DLG2: variants seen among roughly 807,000 people sequenced by gnomAD.
DLG2 encodes disks large homolog 2.
In DLG2, 45 loss-of-function variants were observed where a neutral mutation model predicts 132.5. That is an observed-to-expected ratio of 0.34 (90% CI 0.27 to 0.44). DLG2 has a LOEUF of 0.44. Among genes scored for constraint, DLG2 ranks in the 20% least tolerant of loss-of-function variants. The pLI, the probability that DLG2 is intolerant of heterozygous loss-of-function variation, is 1.00. For synonymous variants in DLG2, 424 were observed against 419.6 expected (o/e 1.01, Z -0.13); for missense variants, 1,045 against 1,196.9 (o/e 0.87, Z 1.87).
In DLG2 at chr11:83,786,767, G is replaced by T. The variant is rs915016253; in HGVS notation, c.1748C>A (p.Ala583Glu). The T allele has an allele frequency of 6.2e-7, 1 of 1,614,078 alleles. No homozygotes were observed. The highest frequency in any genetic ancestry group is 1.7e-5 in the Admixed American group (1 of 60,020). ...TGCAGCAGCTGCCTGCTCGTGGGAT[G>T]CACCACGGAGGTCAATGCCATTCAC... ...LSVNGIDLRG[A>E]SHEQAAAALK... is the part of the protein sequence containing the mutation. The change falls in exon 18 of 28, where the codon GCA becomes GAA. Residue 583 changes from alanine (A) to glutamate (E), a missense_variant. Ala to Glu is a moderately radical substitution (Grantham distance 107, BLOSUM62 -1). This residue lies in a region of DLG2 where 398 missense variants were observed against 543.6 expected (regional missense o/e 0.73). Transcript: ENST00000376104.
chr11:84,786,245 C>T (rs2072874704), intron 6 of DLG2, among the ~76,000 whole-genome samples: 1 of 152,088 alleles, frequency 6.6e-6, no homozygotes, highest in African/African-American at 2.4e-5. Flanking sequence ...ACCCTAAGCC[C>T]TCAATTTTGT....
intron 7 of DLG2, among the ~76,000 whole-genome samples, chr11:84,325,266 G>T (rs1297091402): frequency 1.3e-5 from 2 of 151,980 alleles, no homozygotes; most frequent in African/African-American, 4.8e-5. Context: ...CAAGGTGAAG[G>T]TTTTTTACAT....
At chr11:84,178,240 T>C (rs1051004245) in intron 8 of DLG2, among the ~76,000 whole-genome samples, 1 of 152,116 alleles carries the variant, frequency 6.6e-6, no homozygotes, top group East Asian at 1.9e-4. Flanking sequence ...GTGATTTCAG[T>C]GGCAAACTTC....
At chr11:84,048,880 G>A (rs919411744) in intron 11 of DLG2, among the ~76,000 whole-genome samples, 9 of 151,402 alleles carry the variant, frequency 5.9e-5, no homozygotes, top group African/African-American at 2.2e-4. Flanking sequence ...GCTATCCATG[G>A]ACAGATCAGG....
At chr11:85,403,738 G>A (rs1378212413) in intron 3 of DLG2, among the ~76,000 whole-genome samples, 1 of 151,934 alleles carries the variant, frequency 6.6e-6, no homozygotes, top group Non-Finnish European at 1.5e-5. Flanking sequence ...GAGCCTCTTT[G>A]TTATGGGGGA....
intron 17 of DLG2, chr11:83,791,308 T>C: frequency 1.5e-6 from 1 of 678,446 alleles, no homozygotes. Context: ...CGCCTTGCCT[T>C]TTGGCTTCTG....
intron 4 of DLG2, among the ~76,000 whole-genome samples, chr11:85,274,880 G>T (rs1472548403): frequency 6.6e-6 from 1 of 152,096 alleles, no homozygotes; most frequent in East Asian, 1.9e-4. Context: ...AAACAGACAG[G>T]CCTTGCTAGG....
At chr11:83,503,366 CATTTATATATATATAT>C (rs1313562406) in intron 21 of DLG2, among the ~76,000 whole-genome samples, 3 of 47,094 alleles carry the variant, frequency 6.4e-5, no homozygotes, top group African/African-American at 1.7e-4. Flanking sequence ...CACACACACC[CATTTATATATATATAT>C]ATATATATAT....
At chr11:84,348,905 G>A (rs929011488) in intron 7 of DLG2, among the ~76,000 whole-genome samples, 1 of 152,126 alleles carries the variant, frequency 6.6e-6, no homozygotes, top group Non-Finnish European at 1.5e-5. Context: ...GAGAAGCATG[G>A]AACAGAGCTT....
chr11:85,095,961 A>G (rs1205026876), intron 6 of DLG2, among the ~76,000 whole-genome samples: 1 of 152,188 alleles, frequency 6.6e-6, no homozygotes. Flanking sequence ...GGACTTGGAG[A>G]ACCTTCGTGT....
intron 18 of DLG2, among the ~76,000 whole-genome samples, chr11:83,685,096 T>C (rs1393249243): frequency 6.6e-6 from 1 of 152,114 alleles, no homozygotes; most frequent in Non-Finnish European, 1.5e-5. Flanking sequence ...TGACAACAAC[T>C]TTTTGAAATG....
In DLG2 at chr11:85,154,593, T is replaced by C. The variant is rs762621712; in HGVS notation, c.245A>G (p.Asn82Ser). The C allele has an allele frequency of 1.2e-5, 19 of 1,537,386 alleles. No individual in the cohort carries two copies. The highest frequency in any genetic ancestry group is 3.9e-5 in the Admixed American group (2 of 50,732). ...NASCIEQNKE[N>S]QSFENETDET... is the part of the protein sequence containing the mutation. ...ATCAGTTTCATTTTCAAAACTCTGA[T>C]TTTCTTTATTTTGCTCAATACATGA... The change falls in exon 5 of 28, where the codon AAT (asparagine) becomes AGT (serine). Residue 82 changes from asparagine (N) to serine (S), a missense_variant. This residue lies in a region of DLG2 where 277 missense variants were observed against 238.2 expected (regional missense o/e 1.16). Coordinates refer to ENST00000376104, the MANE Select transcript of DLG2 (RefSeq NM_001142699.3).
At chr11:84,905,188 T>A (rs915136534) in intron 6 of DLG2, among the ~76,000 whole-genome samples, 11 of 152,182 alleles carry the variant, frequency 7.2e-5, no homozygotes, top group African/African-American at 1.9e-4. Context: ...CCCTAAAAAT[T>A]CAGGCATGAC....
At chr11:84,468,171 A>G (rs1326721287) in intron 7 of DLG2, among the ~76,000 whole-genome samples, 1 of 151,570 alleles carries the variant, frequency 6.6e-6, no homozygotes, top group African/African-American at 2.4e-5. Flanking sequence ...TTCATACTAC[A>G]TTTTATAACA....
chr11:83,980,709 T>C (rs2092700113), intron 11 of DLG2, 67 bp from the exon 12 acceptor site: 1 of 1,400,300 alleles, frequency 7.1e-7, no homozygotes, highest in East Asian at 2.6e-5. Context: ...GAAAATGCAG[T>C]TAGCCACATT....
intron 4 of DLG2, among the ~76,000 whole-genome samples, chr11:85,260,968 C>CT (rs558986986): frequency 1.1e-3 from 167 of 151,718 alleles, no homozygotes; most frequent in South Asian, 4.2e-3. Flanking sequence ...ATGGTAGATT[C>CT]TTTTTTTTTA....
At chr11:83,678,711 T>TCCTCTTGG (rs1448767585) in intron 18 of DLG2, among the ~76,000 whole-genome samples, 2 of 152,140 alleles carry the variant, frequency 1.3e-5, no homozygotes, top group Non-Finnish European at 2.9e-5. Flanking sequence ...AGTGAGCCCA[T>TCCTCTTGG]CCTCTTGGCC....
intron 6 of DLG2, among the ~76,000 whole-genome samples, chr11:84,949,360 A>T (rs1408174876): frequency 1.3e-5 from 2 of 152,146 alleles, no homozygotes; most frequent in Admixed American, 1.3e-4. Flanking sequence ...CCGAGGTGAA[A>T]TTAAAATTGC....
intron 3 of DLG2, among the ~76,000 whole-genome samples, chr11:85,431,317 G>A (rs2091167487): frequency 6.6e-6 from 1 of 152,164 alleles, no homozygotes; most frequent in Non-Finnish European, 1.5e-5. Context: ...ACATGGGACA[G>A]GGGAGCCCCC....
Sources: gnomAD v4.1 joint callset for allele counts (sites outside exome capture counted in the v4.1 genomes callset) on GRCh38, gnomAD v4.1.1 for gene constraint, gnomAD v4.1.1 regional missense constraint, MANE v1.5 for transcripts, NCBI Gene and HGNC (gene_info 2026-07-23, HGNC 2026-07-21) for gene names.